The following SWAP70 variants were observed in gnomAD, a reference collection of about 807,000 sequenced individuals.
SWAP70 encodes the protein switching B cell complex subunit SWAP70.
A neutral mutation model predicts 80.2 loss-of-function variants in SWAP70; 34 were observed. The observed-to-expected ratio is 0.42, with a 90% CI of 0.32 to 0.56. The LOEUF is 0.56. Ranked by LOEUF, SWAP70 falls within the 20% of genes least tolerant of loss-of-function variation. The pLI is 0.09. For missense variants in SWAP70, 578 were observed against 690.7 expected (o/e 0.84, Z 1.83); for synonymous variants, 239 against 238.5 (o/e 1.00, Z -0.02).
Position 9,694,270 on chromosome 11 carries a change from G to A in SWAP70, c.224G>A (p.Arg75Lys). Residue 75 changes from arginine to lysine, a missense_variant, in exon 2 of 12, where the codon AGG (arginine) becomes AAG (lysine). Physicochemically the swap from Arg to Lys is conservative, Grantham distance 26 (BLOSUM62 2). Coordinates refer to ENST00000318950, the MANE Select transcript of SWAP70 (RefSeq NM_015055.4). ...SNQGYMPYLN[R>K]FILEKVQDNF... Reference sequence around the variant, plus strand: ...CAGGGCTACATGCCTTATTTAAACAGGTTCATTTTGGAAAAGGTATGATTC... The same window carrying A: ...CAGGGCTACATGCCTTATTTAAACAAGTTCATTTTGGAAAAGGTATGATTC... The A allele has an allele frequency of 6.2e-7, 1 of 1,610,932 alleles. No homozygotes were observed. Among genetic ancestry groups the A allele is most frequent in the Middle Eastern group, 1.7e-4 (1 of 5,980 alleles).
intron 6 of SWAP70, among the ~76,000 whole-genome samples, chr11:9,732,325 A>G (rs1414955728): frequency 6.6e-6 from 1 of 152,032 alleles, no homozygotes; most frequent in Admixed American, 6.6e-5. Context: ...GCAAGAGGTT[A>G]TTTCTTGAGG....
At chr11:9,671,072 T>C (rs1850370908) in intron 1 of SWAP70, among the ~76,000 whole-genome samples, 1 of 141,474 alleles carries the variant, frequency 7.1e-6, no homozygotes, top group Non-Finnish European at 1.5e-5. Context: ...TTTTTATATA[T>C]ACAAATATAA....
intron 4 of SWAP70, among the ~76,000 whole-genome samples, chr11:9,725,892 G>A (rs1351048636): frequency 1.3e-5 from 1 of 75,032 alleles, no homozygotes; most frequent in East Asian, 2.8e-4. Flanking sequence ...ATTTTATTTT[G>A]GAAATTCATA....
intron 2 of SWAP70, among the ~76,000 whole-genome samples, chr11:9,711,461 C>G (rs1164484318): frequency 6.6e-6 from 1 of 152,078 alleles, no homozygotes; most frequent in African/African-American, 2.4e-5. Flanking sequence ...TTGGGAAATT[C>G]TACAGAGTCT....
intron 1 of SWAP70, among the ~76,000 whole-genome samples, chr11:9,685,768 G>A (rs1850623574): frequency 6.6e-6 from 1 of 152,064 alleles, no homozygotes; most frequent in South Asian, 2.1e-4. Context: ...CGAGTAGCTG[G>A]GACTACAGGC....
At chr11:9,692,452 G>C (rs1850708736) in intron 1 of SWAP70, among the ~76,000 whole-genome samples, 1 of 151,194 alleles carries the variant, frequency 6.6e-6, no homozygotes, top group Non-Finnish European at 1.5e-5. Flanking sequence ...CATATTCTTA[G>C]GTACCTTGTT....
chr11:9,674,609 A>G (rs797011954), intron 1 of SWAP70, among the ~76,000 whole-genome samples: 4 of 152,244 alleles, frequency 2.6e-5, no homozygotes, highest in African/African-American at 9.6e-5. Flanking sequence ...AGGAGGTTTC[A>G]GTGAGCTGAG....
chr11:9,709,588 G>T (rs898976537), intron 2 of SWAP70, among the ~76,000 whole-genome samples: 1 of 151,994 alleles, frequency 6.6e-6, no homozygotes, highest in African/African-American at 2.4e-5. Context: ...GTAGTAGTGC[G>T]ATCTCCCACC....
At chr11:9,692,601 T>C (rs779855844) in intron 1 of SWAP70, among the ~76,000 whole-genome samples, 2 of 152,192 alleles carry the variant, frequency 1.3e-5, no homozygotes, top group African/African-American at 2.4e-5. Context: ...CAAATGATTT[T>C]AAAATTTGAA....
chr11:9,691,198 A>G (rs539156567), intron 1 of SWAP70, among the ~76,000 whole-genome samples: 62 of 152,340 alleles, frequency 4.1e-4, no homozygotes, highest in African/African-American at 1.4e-3. Context: ...GATTATTGGC[A>G]TAAGCCACCA....
intron 5 of SWAP70, 33 bp from the exon 6 acceptor site, chr11:9,729,310 A>G (rs770440548): frequency 5.1e-6 from 7 of 1,361,896 alleles, no homozygotes; most frequent in Non-Finnish European, 7.2e-6. Flanking sequence ...AATACTTAAA[A>G]TTTTGAGGAA....
At chr11:9,749,615 T>C (rs1301986091) in intron 11 of SWAP70, among the ~76,000 whole-genome samples, 11 of 152,216 alleles carry the variant, frequency 7.2e-5, no homozygotes, top group African/African-American at 2.7e-4. Flanking sequence ...GAAACTTTTT[T>C]AGCCCAAATG....
At chr11:9,736,828 A>G (rs1368658589) in intron 7 of SWAP70, among the ~76,000 whole-genome samples, 1 of 152,184 alleles carries the variant, frequency 6.6e-6, no homozygotes, top group Non-Finnish European at 1.5e-5. Context: ...ATTCAGGCCT[A>G]CATGTAGTCT....
intron 6 of SWAP70, among the ~76,000 whole-genome samples, chr11:9,731,416 AT>A (rs1851296294): frequency 6.6e-6 from 1 of 152,186 alleles, no homozygotes; most frequent in African/African-American, 2.4e-5. Flanking sequence ...ATAATAGTGC[AT>A]TCTTCCCAGG....
At position 9,699,866 on chromosome 11, in the gene SWAP70, G is replaced by GTATATATATA. The variant is rs113413903; in HGVS notation, c.240+5595_240+5604dup. On this transcript the variant is annotated intron_variant, in intron 2 of 11. Transcript: ENST00000318950. ...CTGTGTCACCCAGGCTGTATAGTGTGTATATATATATATATATATATATAG... is the reference window on the plus strand; with the variant it reads ...CTGTGTCACCCAGGCTGTATAGTGTGTATATATATATATATATATATATATATATATATAG... Among the ~76,000 whole-genome samples, 121 of 144,142 alleles carry GTATATATATA rather than the reference G, an allele frequency of 8.4e-4. 3 individuals carry two copies. Among genetic ancestry groups the GTATATATATA allele is most frequent in the East Asian group, 4.7e-3 (23 of 4,944 alleles). 94.6% of individuals were successfully genotyped at this position (144,142 alleles called of 152,430 possible). A position where few individuals can be genotyped will look rare whatever the true frequency, so the allele number is the denominator to read the frequency against.
At chr11:9,703,500 C>T in intron 2 of SWAP70, 1 of 456,262 alleles carries the variant, frequency 2.2e-6, no homozygotes, top group Non-Finnish European at 4.4e-6. Flanking sequence ...GATCCTTTAG[C>T]TCTGGACTTG....
intron 1 of SWAP70, among the ~76,000 whole-genome samples, chr11:9,672,201 A>G (rs1400861184): frequency 4.9e-5 from 6 of 123,092 alleles, no homozygotes; most frequent in African/African-American, 1.5e-4. Flanking sequence ...GTGTCTATAT[A>G]TATATATATA....
At chr11:9,667,197 GTAGTAGC>G (rs1485974649) in intron 1 of SWAP70, among the ~76,000 whole-genome samples, 3 of 151,912 alleles carry the variant, frequency 2.0e-5, no homozygotes, top group African/African-American at 7.3e-5. Context: ...ACAGTTGTAA[GTAGTAGC>G]TAATCTAGAA....
intron 2 of SWAP70, among the ~76,000 whole-genome samples, chr11:9,706,387 T>C (rs1033338889): frequency 3.3e-5 from 5 of 151,376 alleles, no homozygotes; most frequent in Non-Finnish European, 5.9e-5. Context: ...TCAGCACTTG[T>C]TTTTTTTCCC....
Sources: gnomAD v4.1 joint callset for allele counts (sites outside exome capture counted in the v4.1 genomes callset) on GRCh38, gnomAD v4.1.1 for gene constraint, MANE v1.5 for transcripts, NCBI Gene and HGNC (gene_info 2026-07-23, HGNC 2026-07-21) for gene names.